The following NVL variants were observed in gnomAD, a reference collection of about 807,000 sequenced individuals.
The protein encoded by NVL is nuclear VCP like.
A neutral mutation model predicts 110.2 loss-of-function variants in NVL; 84 were observed. The observed-to-expected ratio is 0.76, with a 90% CI of 0.64 to 0.91. The LOEUF is 0.91. Among genes scored for constraint, NVL ranks in the 40% least tolerant of loss-of-function variants. The pLI, the probability that NVL is intolerant of heterozygous loss-of-function variation, is 0.00. For missense variants in NVL, 882 were observed against 1,035.9 expected, an observed-to-expected ratio of 0.85 and a Z score of 2.04; for synonymous variants, 354 against 361.1, an observed-to-expected ratio of 0.98 and a Z score of 0.22.
intron 18 of NVL, 45 bp downstream of exon 18, chr1:224,267,989 G>A (rs1281184746): frequency 4.5e-6 from 6 of 1,322,626 alleles, no homozygotes; most frequent in Admixed American, 1.8e-5. Context: ...CGGAAATGCT[G>A]TAAGTTTTTA....
chr1:224,254,382 T>C (rs1662903548), intron 18 of NVL, among the ~76,000 whole-genome samples: 1 of 132,164 alleles, frequency 7.6e-6, no homozygotes, highest in Non-Finnish European at 1.6e-5. Context: ...TGAGCCACAG[T>C]GCCTGGCATT....
intron 17 of NVL, among the ~76,000 whole-genome samples, chr1:224,268,931 TTA>T (rs1251833198): frequency 6.6e-6 from 1 of 152,118 alleles, no homozygotes; most frequent in African/African-American, 2.4e-5. Context: ...AGTGCTGGGA[TTA>T]CAGGAGTGAG....
chr1:224,229,918 A>G (rs996653591), intron 22 of NVL, among the ~76,000 whole-genome samples: 4 of 150,742 alleles, frequency 2.7e-5, no homozygotes, highest in Non-Finnish European at 4.4e-5. Flanking sequence ...TGTAGCCTCA[A>G]CCTCCTGGGC....
chr1:224,311,912 A>T, intron 4 of NVL, 55 bp from the exon 5 acceptor site: 1 of 1,342,120 alleles, frequency 7.5e-7, no homozygotes, highest in South Asian at 1.2e-5. Context: ...TATCCTAAAA[A>T]AATGACTACC....
chr1:224,227,510 T>C lies in NVL; in HGVS notation c.*116A>G. ...CAGCTTGGCCTCATTCATTTGAAAATAAAATGTTTACATGAGGCCGCGCCT... is the reference window on the plus strand; with the variant it reads ...CAGCTTGGCCTCATTCATTTGAAAACAAAATGTTTACATGAGGCCGCGCCT... On this transcript the variant is annotated 3_prime_UTR_variant, in exon 23 of 23. Coordinates refer to ENST00000281701, the MANE Select transcript of NVL (RefSeq NM_002533.4). 1.4e-6 allele frequency: 1 copy of C among 730,494 alleles called. No homozygotes were observed. The highest frequency in any genetic ancestry group is 3.4e-5 in the Admixed American group (1 of 29,478). The allele number at this position is 730,494 out of a possible 1,614,324, so 45.3% of individuals were successfully genotyped here.
chr1:224,245,072 A>G lies in NVL; in HGVS notation c.2289+5140T>C, dbSNP rs191694582. Among the ~76,000 whole-genome samples, 459 of 152,336 alleles carry G rather than the reference A, an allele frequency of 3.0e-3. 5 individuals are homozygous for G. Among genetic ancestry groups the G allele is most frequent in the Admixed American group, 7.4e-3 (113 of 15,298 alleles). On this transcript the variant is annotated intron_variant, in intron 19 of 22. Transcript: ENST00000281701. ...CAAAATATTTCAGACTTTTAAGAAC[A>G]GGACTAAAGATCTTTATTCTAATCT...
At chr1:224,328,333 A>G (rs1182998359) in intron 1 of NVL, among the ~76,000 whole-genome samples, 1 of 152,154 alleles carries the variant, frequency 6.6e-6, no homozygotes, top group Non-Finnish European at 1.5e-5. Flanking sequence ...TAGCCTGGCC[A>G]ACATGGTGAA....
intron 18 of NVL, among the ~76,000 whole-genome samples, chr1:224,267,088 T>C (rs1209399855): frequency 3.9e-5 from 6 of 152,178 alleles, no homozygotes; most frequent in African/African-American, 1.4e-4. Flanking sequence ...TGACGCATAG[T>C]GGCCCCACAG....
chr1:224,314,423 C>A (rs1669860708), intron 4 of NVL, among the ~76,000 whole-genome samples: 1 of 152,102 alleles, frequency 6.6e-6, no homozygotes, highest in African/African-American at 2.4e-5. Context: ...AAAAGGATAA[C>A]AAGAGAATAT....
At chr1:224,267,106 C>T (rs972052893) in intron 18 of NVL, among the ~76,000 whole-genome samples, 19 of 152,126 alleles carry the variant, frequency 1.2e-4, no homozygotes, top group African/African-American at 4.3e-4. Flanking sequence ...CAGATAGCTT[C>T]GGGCAGGGGA....
At chr1:224,248,413 C>T (rs1054923591) in intron 19 of NVL, among the ~76,000 whole-genome samples, 6 of 152,102 alleles carry the variant, frequency 3.9e-5, no homozygotes, top group African/African-American at 1.4e-4. Flanking sequence ...ATTTTCCATA[C>T]TGTGCATCAA....
In NVL at chr1:224,253,608, C is replaced by A. The variant is rs539391776; in HGVS notation, c.2183-3290G>T. ...ATTAGCTAGGCGTGGTGGCACATGC[C>A]TGTAATCTCAGCTATTCAGGAGGCT... On this transcript the variant is annotated intron_variant, in intron 18 of 22. Coordinates refer to ENST00000281701, the MANE Select transcript of NVL (RefSeq NM_002533.4). Among the ~76,000 whole-genome samples, 58 of 151,410 alleles carry A rather than the reference C, an allele frequency of 3.8e-4. 1 individual carries two copies. The highest frequency in any genetic ancestry group is 2.9e-3 in the Admixed American group (44 of 15,180).
rs369123762 is a variant in NVL, at chr1:224,317,812, C to T, written c.185-19G>A. ...CTAAATACTGAAACAAAAAGAAAAA[C>T]GCTATGAGCTAAAACAATCGTTTGT... On this transcript the variant is annotated intron_variant, in intron 3 of 22. Coordinates refer to ENST00000281701, the MANE Select transcript of NVL (RefSeq NM_002533.4). 2.4e-3 allele frequency: 3,765 copies of T among 1,563,348 alleles called. 111 individuals carry two copies. In the South Asian group the frequency reaches 0.04, roughly 16 times the overall value.
intron 19 of NVL, among the ~76,000 whole-genome samples, chr1:224,249,755 A>G (rs1234806348): frequency 6.6e-6 from 1 of 152,060 alleles, no homozygotes; most frequent in Non-Finnish European, 1.5e-5. Flanking sequence ...AAAAAAAAGG[A>G]TAGGGTCTTG....
chr1:224,255,299 C>T (rs1663087288), intron 18 of NVL, among the ~76,000 whole-genome samples: 1 of 147,566 alleles, frequency 6.8e-6, no homozygotes, highest in East Asian at 2.1e-4. Flanking sequence ...TCGCCATTCT[C>T]CTGCCTCAGC....
intron 9 of NVL, chr1:224,302,988 G>T: frequency 3.8e-6 from 1 of 265,490 alleles, no homozygotes; most frequent in South Asian, 3.1e-5. Context: ...AGTTGAGGCT[G>T]TAGTGAGCCA....
intron 18 of NVL, among the ~76,000 whole-genome samples, chr1:224,260,101 G>A (rs190881250): frequency 1.3e-5 from 2 of 152,140 alleles, no homozygotes; most frequent in East Asian, 3.8e-4. Context: ...GTTGACCATG[G>A]CACCAAGTCA....
chr1:224,242,713 C>T (rs1299242176), intron 19 of NVL, among the ~76,000 whole-genome samples: 1 of 152,104 alleles, frequency 6.6e-6, no homozygotes, highest in Non-Finnish European at 1.5e-5. Context: ...GGTGATTCAC[C>T]TGCCTCGGCC....
intron 22 of NVL, chr1:224,227,954 C>A (rs189000309): frequency 5.3e-4 from 97 of 182,888 alleles, no homozygotes; most frequent in African/African-American, 2.1e-3. Context: ...GAGAAGACAG[C>A]CATCAGTGAG....
Sources: gnomAD v4.1 joint callset for allele counts (sites outside exome capture counted in the v4.1 genomes callset) on GRCh38, gnomAD v4.1.1 for gene constraint, MANE v1.5 for transcripts, NCBI Gene and HGNC (gene_info 2026-07-23, HGNC 2026-07-21) for gene names.